The following FGFR2 variants were observed in gnomAD, a reference collection of about 807,000 sequenced individuals.
The protein encoded by FGFR2 is fibroblast growth factor receptor 2.
Under a neutral mutation model 95.9 loss-of-function variants are expected in FGFR2, and 19 were observed. That is an observed-to-expected ratio of 0.20 (90% CI 0.14 to 0.29). The LOEUF (loss-of-function observed/expected upper bound fraction) is 0.29. Among genes scored for constraint, FGFR2 ranks in the 10% least tolerant of loss-of-function variants. FGFR2 has a pLI of 1.00. For missense variants in FGFR2, 707 were observed against 1,056.9 expected (o/e 0.67, Z 4.59); for synonymous variants, 392 against 393.3 (o/e 1.00, Z 0.04).
chr10:121,544,384 C>T (rs915304578), intron 5 of FGFR2, among the ~76,000 whole-genome samples: 1 of 147,958 alleles, frequency 6.8e-6, no homozygotes, highest in Non-Finnish European at 1.5e-5. Flanking sequence ...GCGGAGGTTG[C>T]AGTGAGCCAA....
chr10:121,514,810 T>G (rs1173747834), intron 9 of FGFR2, among the ~76,000 whole-genome samples: 2 of 152,184 alleles, frequency 1.3e-5, no homozygotes, highest in Non-Finnish European at 2.9e-5. Context: ...CCGCTGTACT[T>G]GAGTCTGATC....
chr10:121,586,865 C>A (rs1861907699), intron 2 of FGFR2, among the ~76,000 whole-genome samples: 1 of 152,164 alleles, frequency 6.6e-6, no homozygotes, highest in Non-Finnish European at 1.5e-5. Flanking sequence ...CGTGAAGGAT[C>A]ACCACAATGA....
At chr10:121,589,909 T>C (rs1253383960) in intron 2 of FGFR2, among the ~76,000 whole-genome samples, 1 of 152,244 alleles carries the variant, frequency 6.6e-6, no homozygotes, top group African/African-American at 2.4e-5. Flanking sequence ...TCATTCACTC[T>C]TGGTATGCGG....
intron 9 of FGFR2, among the ~76,000 whole-genome samples, chr10:121,511,617 C>T (rs969639206): frequency 3.3e-5 from 5 of 152,160 alleles, no homozygotes; most frequent in African/African-American, 9.7e-5. Context: ...TCATTTAACT[C>T]GCTGGGCACC....
At chr10:121,558,563 G>A (rs1207915953) in intron 4 of FGFR2, among the ~76,000 whole-genome samples, 1 of 151,976 alleles carries the variant, frequency 6.6e-6, no homozygotes, top group African/African-American at 2.4e-5. Context: ...CCCATGGCTG[G>A]GTTTTTCAAT....
rs760627156 is a variant in FGFR2, at chr10:121,515,267, G to A, written c.1137C>T (p.Ala379=). The A allele has an allele frequency of 3.1e-6, 5 of 1,613,988 alleles. No individual in the cohort carries two copies. In the African/African-American group the frequency reaches 6.7e-5, roughly 22 times the overall value. Residue 379 remains alanine, a synonymous_variant, in exon 9 of 18, where the codon GCC becomes GCT. Transcript: ENST00000358487. The stretch of plus-strand genomic sequence containing the variant: ...TTAAGAAGACCCCTATGCAGTAAAT[G>A]GCTATCTCCAGGTAGTCTGGGGAAG... ...ITASPDYLEI[A]IYCIGVFLIA... is the part of the protein sequence containing the mutation.
chr10:121,558,607 T>C (rs1485511955), intron 4 of FGFR2, among the ~76,000 whole-genome samples: 1 of 150,384 alleles, frequency 6.6e-6, no homozygotes, highest in East Asian at 1.9e-4. Context: ...GATACAGTTT[T>C]TTGTTTTTTT....
At chr10:121,486,914 G>A (rs1845488075) in intron 15 of FGFR2, among the ~76,000 whole-genome samples, 1 of 152,166 alleles carries the variant, frequency 6.6e-6, no homozygotes, top group South Asian at 2.1e-4. Context: ...CCCTGTGGAG[G>A]TCCCCAGCCT....
rs759620495 is a variant in FGFR2, at chr10:121,593,837, G to T, written c.-20C>A. 1 of 1,605,804 alleles carries T rather than the reference G, an allele frequency of 6.2e-7. No individual in the cohort carries two copies. Among genetic ancestry groups the T allele is most frequent in the Non-Finnish European group, 8.5e-7 (1 of 1,172,428 alleles). On this transcript the variant is annotated 5_prime_UTR_variant, in exon 2 of 18. Coordinates refer to ENST00000358487, the MANE Select transcript of FGFR2 (RefSeq NM_000141.5). ...GACCATGGTTACGGTACCAATCCCC[G>T]GTCCTCTTCCATATCTCCATGTGGA... is the stretch of plus-strand genomic sequence containing the variant.
chr10:121,510,812 A>ATTTTAT (rs1200738729), intron 9 of FGFR2, among the ~76,000 whole-genome samples: 1 of 150,672 alleles, frequency 6.6e-6, no homozygotes, highest in Non-Finnish European at 1.5e-5. Context: ...ATTTTATTTT[A>ATTTTAT]TTTGTGTGAG....
At chr10:121,579,008 A>C (rs1305706938) in intron 2 of FGFR2, among the ~76,000 whole-genome samples, 1 of 152,200 alleles carries the variant, frequency 6.6e-6, no homozygotes, top group African/African-American at 2.4e-5. Context: ...CTGCTGGTCC[A>C]AGACCCACAC....
intron 2 of FGFR2, among the ~76,000 whole-genome samples, chr10:121,569,219 CTTTT>C (rs1858194948): frequency 7.3e-6 from 1 of 137,890 alleles, no homozygotes; most frequent in Non-Finnish European, 1.5e-5. Context: ...CTTTTCTTTT[CTTTT>C]CTTTTTTTTT....
chr10:121,578,926 A>G (rs560686160), intron 2 of FGFR2, among the ~76,000 whole-genome samples: 1 of 152,348 alleles, frequency 6.6e-6, no homozygotes, highest in South Asian at 2.1e-4. Flanking sequence ...GAAAAAACAA[A>G]AAAAGATTCT....
intron 5 of FGFR2, among the ~76,000 whole-genome samples, chr10:121,544,463 A>G (rs1005702372): frequency 5.3e-5 from 8 of 150,732 alleles, no homozygotes; most frequent in African/African-American, 1.7e-4. Flanking sequence ...AAAAAAAAAA[A>G]GTGGTATATC....
At chr10:121,541,982 T>A (rs1853826743) in intron 5 of FGFR2, among the ~76,000 whole-genome samples, 1 of 152,144 alleles carries the variant, frequency 6.6e-6, no homozygotes, top group South Asian at 2.1e-4. Flanking sequence ...AAGCACTGCT[T>A]GTAAGAGCAA....
intron 10 of FGFR2, among the ~76,000 whole-genome samples, chr10:121,503,436 G>T (rs182620567): frequency 2.1e-4 from 32 of 152,262 alleles, no homozygotes; most frequent in Admixed American, 7.2e-4. Flanking sequence ...GAACAGTCTT[G>T]TTCTAGTAAC....
At chr10:121,512,224 G>C (rs561612217) in intron 9 of FGFR2, among the ~76,000 whole-genome samples, 1 of 152,144 alleles carries the variant, frequency 6.6e-6, no homozygotes, top group Non-Finnish European at 1.5e-5. Context: ...TGTCATCAAC[G>C]TATCTGCAGG....
rs1473273029 is a variant in FGFR2 at position 121,519,857 on chromosome 10, T to C, written c.939+122A>G. On this transcript the variant is annotated intron_variant, in intron 7 of 17. Transcript: ENST00000358487. ...TCTGTTAATTCCTTAGAACACTCTC[T>C]GCTGGCTAGTCAAAAAAGAGAATCA... The C allele has an allele frequency of 7.8e-6, 7 of 892,508 alleles. No homozygotes were observed. In the African/African-American group the frequency reaches 9.9e-5, roughly 13 times the overall value. The allele number at this position is 892,508 out of a possible 1,614,324, so 55.3% of individuals were successfully genotyped here.
chr10:121,537,958 G>C (rs1853103376), intron 6 of FGFR2: 1 of 177,078 alleles, frequency 5.6e-6, no homozygotes, highest in Non-Finnish European at 1.2e-5. Flanking sequence ...CAAGACAACA[G>C]GCGAGGTGGT....
Sources: allele counts gnomAD v4.1 joint callset (sites outside exome capture counted in the v4.1 genomes callset), GRCh38; gene constraint gnomAD v4.1.1; transcripts MANE v1.5; gene names NCBI Gene and HGNC (gene_info 2026-07-23, HGNC 2026-07-21).